Variants in PRAMEF20 observed in about 807,000 individuals in gnomAD.
PRAMEF20 encodes the protein PRAME family member 20/21.
In PRAMEF20, 27 loss-of-function variants were observed where a neutral mutation model predicts 32.4. The ratio of observed to expected loss-of-function variants is 0.83; its 90% CI spans 0.61 to 1.15. The LOEUF is 1.15. Among genes scored for constraint, PRAMEF20 ranks in the 50% most tolerant of loss-of-function variants. The pLI is 0.00. For synonymous variants in PRAMEF20, 256 were observed against 235.4 expected (o/e 1.09, Z -0.80); for missense variants, 604 against 584.5 (o/e 1.03, Z -0.34).
chr1:13,414,515 G>C (rs981070740), upstream of PRAMEF20, among the ~76,000 whole-genome samples: 5 of 152,178 alleles, frequency 3.3e-5, no homozygotes, highest in East Asian at 7.7e-4. Flanking sequence ...CCGGAGTGCA[G>C]TGGGGCAATC....
At chr1:13,417,908 ATTTGTGTGTGTGTGTG>A (rs1489085492) in intron 1 of PRAMEF20, among the ~76,000 whole-genome samples, 198 bp from the exon 3 acceptor site, 4 of 42,582 alleles carry the variant, frequency 9.4e-5, no homozygotes, top group Admixed American at 7.9e-4. Context: ...CGCCCGGCTA[ATTTGTGTGTGTGTGTG>A]TGTGTGTGTG....
chr1:13,414,892 C>A (rs1319183857), upstream of PRAMEF20, among the ~76,000 whole-genome samples: 1 of 152,030 alleles, frequency 6.6e-6, no homozygotes, highest in African/African-American at 2.4e-5. Context: ...ATCTGCCTCC[C>A]AGGTTCAAGT....
chr1:13,416,102 G>C (rs889366386), upstream of PRAMEF20, among the ~76,000 whole-genome samples: 2 of 152,214 alleles, frequency 1.3e-5, no homozygotes, highest in Non-Finnish European at 2.9e-5. Flanking sequence ...ATGAGCACTG[G>C]ATAGAAAGGA....
chr1:13,413,126 G>A (rs961786881), upstream of PRAMEF20, among the ~76,000 whole-genome samples: 4 of 152,186 alleles, frequency 2.6e-5, no homozygotes, highest in Non-Finnish European at 4.4e-5. Flanking sequence ...ATGTCAGGAA[G>A]AGATTCAACC....
At chr1:13,419,228 G>A (rs1232917386) in intron 2 of PRAMEF20, among the ~76,000 whole-genome samples, 3 of 151,938 alleles carry the variant, frequency 2.0e-5, no homozygotes, top group South Asian at 2.1e-4. Context: ...ATCTTGGCTC[G>A]CTGCAACCTC....
intron 1 of PRAMEF20, among the ~76,000 whole-genome samples, chr1:13,417,190 A>T (rs1315164487): frequency 6.6e-6 from 1 of 151,954 alleles, no homozygotes; most frequent in African/African-American, 2.4e-5. Context: ...GCCGCTGCTG[A>T]CTGGGGTGGC....
chr1:13,414,120 C>T (rs1323470541), upstream of PRAMEF20, among the ~76,000 whole-genome samples: 11 of 152,032 alleles, frequency 7.2e-5, no homozygotes, highest in Admixed American at 2.0e-4. Context: ...CAGCTCACTG[C>T]AACCTCCGAC....
At chr1:13,417,193 G>C (rs903765753) in intron 1 of PRAMEF20, among the ~76,000 whole-genome samples, 3 of 149,804 alleles carry the variant, frequency 2.0e-5, no homozygotes, top group Non-Finnish European at 4.4e-5. Flanking sequence ...GCTGCTGACT[G>C]GGGTGGCCAG....
chr1:13,417,954 T>TGTGTGTGTGTGTGTGTGTGTGTGTG (rs1641199873), intron 1 of PRAMEF20, among the ~76,000 whole-genome samples, 168 bp from the exon 3 acceptor site: 1 of 55,718 alleles, frequency 1.8e-5, no homozygotes, highest in Non-Finnish European at 4.2e-5. Flanking sequence ...GTGTGTGTGT[T>TGTGTGTGTGTGTGTGTGTGTGTGTG]TAGTAGAGAC....
exon 2 of PRAMEF20, chr1:13,418,488 G>A: frequency 6.2e-7 from 1 of 1,613,938 alleles, no homozygotes; most frequent in Non-Finnish European, 8.5e-7. Flanking sequence ...ATTGGACACT[G>A]CCCGTCCTGG....
exon 3 of PRAMEF20, chr1:13,420,816 G>A: frequency 6.2e-7 from 1 of 1,613,912 alleles, no homozygotes; most frequent in Non-Finnish European, 8.5e-7. Flanking sequence ...GACCTGAGTG[G>A]CACCAGACTG....
At chr1:13,418,017 G>T (rs933168344) in intron 1 of PRAMEF20, 105 bp from the exon 3 acceptor site, 24 of 1,574,638 alleles carry the variant, frequency 1.5e-5, no homozygotes, top group Non-Finnish European at 2.0e-5. Context: ...CTTGTGATCC[G>T]CCCGCCTTGG....
upstream of PRAMEF20, among the ~76,000 whole-genome samples, chr1:13,415,252 T>C (rs1641157486): frequency 1.3e-5 from 2 of 152,088 alleles, no homozygotes; most frequent in Non-Finnish European, 2.9e-5. Flanking sequence ...GCTAATTTTT[T>C]TGTATTTTTA....
chr1:13,419,738 T>G (rs1299332674), intron 2 of PRAMEF20, among the ~76,000 whole-genome samples: 1 of 152,034 alleles, frequency 6.6e-6, no homozygotes, highest in Non-Finnish European at 1.5e-5. Context: ...CAAGATAATT[T>G]TTAACAAGAT....
chr1:13,413,167 G>A (rs1427194027), upstream of PRAMEF20, among the ~76,000 whole-genome samples: 1 of 152,070 alleles, frequency 6.6e-6, no homozygotes, highest in East Asian at 1.9e-4. Flanking sequence ...GACTAGGAAG[G>A]ACATATATTA....
chr1:13,415,785 G>C (rs1160380687), upstream of PRAMEF20, among the ~76,000 whole-genome samples: 2 of 126,050 alleles, frequency 1.6e-5, no homozygotes, highest in Non-Finnish European at 3.3e-5. Context: ...GCAAGACCCT[G>C]GCAAAAAAAA....
exon 3 of PRAMEF20, chr1:13,421,075 G>C (rs1052674737): frequency 5.6e-6 from 9 of 1,606,668 alleles, no homozygotes; most frequent in African/African-American, 1.3e-5. Flanking sequence ...ATCCTGCCCC[G>C]CGGGAGAGTT....
chr1:13,418,789 TG>T (rs1465157522), intron 2 of PRAMEF20, 89 bp downstream of exon 3: 1 of 1,598,342 alleles, frequency 6.3e-7, no homozygotes, highest in Admixed American at 1.7e-5. Context: ...CCTATGAGGA[TG>T]TAACAGTAAA....
chr1:13,416,371 CA>C lies in PRAMEF20; in HGVS notation c.18del (p.Arg8AspfsTer11). 6.2e-7 allele frequency: 1 copy of C among 1,613,048 alleles called. No homozygotes were observed. The highest frequency in any genetic ancestry group is 8.5e-7 in the Non-Finnish European group (1 of 1,179,904). ...TTCAGGAAGATGAGCATCCGGACTCCACCCAGACTCCTGGAGCTGGCGGGGC... is the reference window on the plus strand; with the variant it reads ...TTCAGGAAGATGAGCATCCGGACTCCCCCAGACTCCTGGAGCTGGCGGGGC... On this transcript the variant is annotated frameshift_variant, in exon 1 of 3. Coordinates refer to ENST00000602960, the Ensembl canonical transcript of PRAMEF20. LOFTEE classifies it high-confidence loss of function.
Sources: allele counts gnomAD v4.1 joint callset (sites outside exome capture counted in the v4.1 genomes callset), GRCh38; gene constraint gnomAD v4.1.1; transcripts MANE v1.5; gene names NCBI Gene and HGNC (gene_info 2026-07-23, HGNC 2026-07-21).